The following TAS2R1 variants were observed in gnomAD, a reference collection of about 807,000 sequenced individuals.
TAS2R1 encodes taste 2 receptor member 1.
For missense variants in TAS2R1, 370 were observed against 353.4 expected (o/e 1.05, Z -0.38); for synonymous variants, 141 against 134.2 (o/e 1.05, Z -0.35).
chr5:9,874,885 C>T, the TAS2R1 span, among the ~76,000 whole-genome samples: 1 of 152,156 alleles, frequency 6.6e-6, no homozygotes, highest in Non-Finnish European at 1.5e-5. Context: ...TTAAGCCAAA[C>T]CAATTGATTT....
chr5:9,646,116 T>C (rs1305482758), intron 2 of TAS2R1, among the ~76,000 whole-genome samples: 1 of 152,150 alleles, frequency 6.6e-6, no homozygotes, highest in East Asian at 1.9e-4. Context: ...GTGACTTGTA[T>C]ATTAGAGTTT....
the TAS2R1 span, among the ~76,000 whole-genome samples, chr5:9,816,941 A>C: frequency 3.9e-5 from 6 of 152,180 alleles, no homozygotes; most frequent in African/African-American, 1.4e-4. Flanking sequence ...CGGTCTTTTA[A>C]ATTTCATTCT....
the TAS2R1 span, chr5:9,883,210 C>A: frequency 4.6e-5 from 7 of 152,042 alleles, no homozygotes; most frequent in Non-Finnish European, 1.0e-4. Flanking sequence ...GAATGACACA[C>A]ACTGGGGCCT....
At chr5:9,835,157 G>A in the TAS2R1 span, among the ~76,000 whole-genome samples, 5 of 152,140 alleles carry the variant, frequency 3.3e-5, no homozygotes, top group African/African-American at 1.2e-4. Flanking sequence ...AGTTCCTAGG[G>A]GCCAGCACAT....
the TAS2R1 span, among the ~76,000 whole-genome samples, chr5:9,723,031 G>A: frequency 2.0e-5 from 3 of 152,336 alleles, no homozygotes; most frequent in South Asian, 2.1e-4. Flanking sequence ...TAAAGCAGAT[G>A]GATAGAGTGA....
At chr5:9,641,790 C>T (rs1361877896) in intron 2 of TAS2R1, 1 of 152,294 alleles carries the variant, frequency 6.6e-6, no homozygotes, top group Admixed American at 6.5e-5. Flanking sequence ...CCTTTTAGGT[C>T]TTTAAACAGT....
intron 1 of TAS2R1, among the ~76,000 whole-genome samples, chr5:9,707,210 G>A (rs1741635641): frequency 6.6e-6 from 1 of 152,162 alleles, no homozygotes; most frequent in African/African-American, 2.4e-5. Context: ...CAGGCTGGTG[G>A]TGGAGCTGGG....
intron 1 of TAS2R1, among the ~76,000 whole-genome samples, chr5:9,708,480 ATTTT>A (rs1184535327): frequency 6.6e-6 from 1 of 152,184 alleles, no homozygotes; most frequent in African/African-American, 2.4e-5. Context: ...AAGGCAATGG[ATTTT>A]TGTCTCTCCT....
At chr5:9,892,080 C>A in the TAS2R1 span, among the ~76,000 whole-genome samples, 8 of 152,170 alleles carry the variant, frequency 5.3e-5, no homozygotes, top group Non-Finnish European at 1.2e-4. Flanking sequence ...ACACACACAC[C>A]CCAACCCTCT....
intron 1 of TAS2R1, among the ~76,000 whole-genome samples, chr5:9,664,864 C>T (rs888992709): frequency 6.6e-5 from 10 of 152,196 alleles, no homozygotes; most frequent in Non-Finnish European, 1.5e-5. Context: ...ATTTAATCTT[C>T]AGGGAACACA....
chr5:9,639,658 A>G (rs1740033173), intron 2 of TAS2R1, among the ~76,000 whole-genome samples: 1 of 152,036 alleles, frequency 6.6e-6, no homozygotes, highest in African/African-American at 2.4e-5. Context: ...CCGATCTCCA[A>G]CCTTAGCTAA....
At chr5:9,830,281 A>C in the TAS2R1 span, among the ~76,000 whole-genome samples, 45 of 152,190 alleles carry the variant, frequency 3.0e-4, no homozygotes, top group African/African-American at 1.0e-3. Flanking sequence ...AGATATAGAC[A>C]GATGACAAAG....
At chr5:9,897,652 T>C in the TAS2R1 span, among the ~76,000 whole-genome samples, 2 of 152,222 alleles carry the variant, frequency 1.3e-5, no homozygotes. Context: ...AGACAACTTT[T>C]ATGAGATCAT....
At chr5:9,861,104 C>T in the TAS2R1 span, among the ~76,000 whole-genome samples, 1 of 126,918 alleles carries the variant, frequency 7.9e-6, no homozygotes, top group Non-Finnish European at 1.6e-5. Flanking sequence ...GAGCTAGTGA[C>T]CAATATTTAA....
At chr5:9,762,475 T>C in the TAS2R1 span, among the ~76,000 whole-genome samples, 1 of 152,226 alleles carries the variant, frequency 6.6e-6, no homozygotes, top group East Asian at 1.9e-4. Context: ...TCACTGGTAA[T>C]GTGTCTTTTC....
chr5:9,661,212 C>T (rs1740526395), intron 1 of TAS2R1, among the ~76,000 whole-genome samples: 2 of 152,182 alleles, frequency 1.3e-5, no homozygotes, highest in African/African-American at 4.8e-5. Flanking sequence ...TTAACAAATC[C>T]TGTTCTTTCT....
chr5:9,666,578 C>A (rs1260009230), intron 1 of TAS2R1, among the ~76,000 whole-genome samples: 1 of 151,948 alleles, frequency 6.6e-6, no homozygotes, highest in African/African-American at 2.4e-5. Context: ...TTCAAATTTG[C>A]TAGTAAAATC....
chr5:9,700,763 C>G (rs1028870578), intron 1 of TAS2R1, among the ~76,000 whole-genome samples: 1 of 152,198 alleles, frequency 6.6e-6, no homozygotes, highest in Middle Eastern at 3.4e-3. Context: ...TGTAGATGAC[C>G]GTCTTCTCTC....
intron 1 of TAS2R1, among the ~76,000 whole-genome samples, chr5:9,697,378 T>C (rs1226136416): frequency 6.6e-6 from 1 of 152,092 alleles, no homozygotes; most frequent in Non-Finnish European, 1.5e-5. Flanking sequence ...GTTCATATAA[T>C]AGATAAATTA....
Sources: gnomAD v4.1 joint callset for allele counts (sites outside exome capture counted in the v4.1 genomes callset) on GRCh38, gnomAD v4.1.1 for gene constraint, MANE v1.5 for transcripts, NCBI Gene and HGNC (gene_info 2026-07-23, HGNC 2026-07-21) for gene names.